Variants in TBC1D12 observed in about 807,000 individuals in gnomAD.
TBC1D12 encodes the protein TBC1 domain family member 12.
TBC1D12 carries 56 observed loss-of-function variants against 86.7 expected under a neutral mutation model. The observed-to-expected ratio is 0.65, with a 90% CI of 0.52 to 0.81. TBC1D12 has a LOEUF of 0.81. Among genes scored for constraint, TBC1D12 ranks in the 30% least tolerant of loss-of-function variants. The probability of loss-of-function intolerance (pLI) is 0.00; values close to 1 mark genes in which losing one functional copy is unlikely to be tolerated. For missense variants in TBC1D12, 1,023 were observed against 1,038.8 expected (o/e 0.98, Z 0.21); for synonymous variants, 421 against 411.7 (o/e 1.02, Z -0.27).
intron 9 of TBC1D12, among the ~76,000 whole-genome samples, chr10:94,519,851 A>G (rs1172414272): frequency 6.6e-6 from 1 of 152,182 alleles, no homozygotes; most frequent in Admixed American, 6.5e-5. Context: ...GCCCACCCAG[A>G]TAATTCAGGA....
At chr10:94,484,148 A>T (rs535713613) in intron 3 of TBC1D12, among the ~76,000 whole-genome samples, 4 of 150,856 alleles carry the variant, frequency 2.7e-5, no homozygotes, top group Non-Finnish European at 5.9e-5. Context: ...TTATGTGTCT[A>T]TTTTTATCCC....
rs1315170150 is a variant in TBC1D12 at position 94,533,907 on chromosome 10, A to G, written c.*811A>G. On this transcript the variant is annotated 3_prime_UTR_variant, in exon 13 of 13. Transcript: ENST00000225235. ...ACTTTGAGAGTAAGTCCAAAAACAT[A>G]TATGATGTTTCTCAGTGATAAGAGT... 3 of 152,130 alleles carry G rather than the reference A, an allele frequency of 2.0e-5. No homozygotes were observed. The highest frequency in any genetic ancestry group is 4.4e-5 in the Non-Finnish European group (3 of 68,018). The allele number at this position is 152,130 out of a possible 1,614,324, so 9.4% of individuals were successfully genotyped here.
chr10:94,413,346 C>CT (rs1475805438), intron 1 of TBC1D12, among the ~76,000 whole-genome samples: 2 of 152,126 alleles, frequency 1.3e-5, no homozygotes, highest in Non-Finnish European at 2.9e-5. Flanking sequence ...TTGTGAAAAG[C>CT]TTTAACTTGT....
chr10:94,431,783 C>G (rs190225423), intron 1 of TBC1D12, among the ~76,000 whole-genome samples: 512 of 152,272 alleles, frequency 3.4e-3, no homozygotes, highest in Non-Finnish European at 6.5e-3. Context: ...ACTTGGCCTC[C>G]TAACAGGAGA....
intron 2 of TBC1D12, among the ~76,000 whole-genome samples, chr10:94,459,187 G>A: frequency 6.6e-6 from 1 of 152,118 alleles, no homozygotes; most frequent in Non-Finnish European, 1.5e-5. Context: ...TAGACACAGA[G>A]TGCTGATTGG....
intron 1 of TBC1D12, among the ~76,000 whole-genome samples, chr10:94,432,122 A>AAG (rs59509237): frequency 0.022 from 3,315 of 152,020 alleles, 122 homozygotes; most frequent in African/African-American, 0.074. Context: ...GGAGAAAGGG[A>AAG]AGAGAGAGAG....
At chr10:94,447,088 TA>T (rs2055476849) in intron 2 of TBC1D12, among the ~76,000 whole-genome samples, 1 of 151,778 alleles carries the variant, frequency 6.6e-6, no homozygotes, top group Admixed American at 6.6e-5. Context: ...CTTTTTTATG[TA>T]TTATTAGTGA....
intron 2 of TBC1D12, among the ~76,000 whole-genome samples, chr10:94,461,478 C>T (rs1461050689): frequency 1.3e-5 from 2 of 152,192 alleles, no homozygotes; most frequent in African/African-American, 4.8e-5. Context: ...AATTACTTTT[C>T]CTCTCCTGCT....
intron 2 of TBC1D12, among the ~76,000 whole-genome samples, chr10:94,444,699 A>G (rs934839427): frequency 1.4e-5 from 2 of 147,790 alleles, no homozygotes; most frequent in Admixed American, 1.3e-4. Flanking sequence ...TTAATCTGCT[A>G]TTTTCATTTC....
intron 6 of TBC1D12, among the ~76,000 whole-genome samples, chr10:94,505,464 C>T (rs1305394328): frequency 6.6e-6 from 1 of 152,122 alleles, no homozygotes; most frequent in African/African-American, 2.4e-5. Flanking sequence ...CCAGTAATCC[C>T]AGCTACTCAG....
chr10:94,459,789 C>T (rs1261780101), intron 2 of TBC1D12, among the ~76,000 whole-genome samples: 1 of 152,200 alleles, frequency 6.6e-6, no homozygotes, highest in East Asian at 1.9e-4. Context: ...CCAGCAGCTC[C>T]AAGTGTGGGG....
At chr10:94,429,809 C>A (rs947488171) in intron 1 of TBC1D12, among the ~76,000 whole-genome samples, 1 of 152,078 alleles carries the variant, frequency 6.6e-6, no homozygotes, top group African/African-American at 2.4e-5. Flanking sequence ...TCTTGTGTTA[C>A]TGCAGCCTTG....
At chr10:94,447,450 A>G (rs2055485878) in intron 2 of TBC1D12, among the ~76,000 whole-genome samples, 1 of 152,176 alleles carries the variant, frequency 6.6e-6, no homozygotes, top group African/African-American at 2.4e-5. Flanking sequence ...TTATTCCTGC[A>G]GTAACTTTTA....
chr10:94,426,764 G>C (rs966954897), intron 1 of TBC1D12, among the ~76,000 whole-genome samples: 2 of 152,030 alleles, frequency 1.3e-5, no homozygotes, highest in African/African-American at 2.4e-5. Context: ...TTTTAGTAGA[G>C]ACAGAGTTTC....
intron 1 of TBC1D12, among the ~76,000 whole-genome samples, chr10:94,425,531 T>A (rs2055134350): frequency 6.6e-6 from 1 of 152,230 alleles, no homozygotes; most frequent in African/African-American, 2.4e-5. Flanking sequence ...GCACTGAAGT[T>A]ACAATAATAA....
At chr10:94,408,717 A>T (rs986796604) in intron 1 of TBC1D12, among the ~76,000 whole-genome samples, 2 of 152,178 alleles carry the variant, frequency 1.3e-5, no homozygotes. Flanking sequence ...TGCCTCCACC[A>T]GTCAACTAAA....
intron 1 of TBC1D12, among the ~76,000 whole-genome samples, chr10:94,431,647 G>T (rs180826960): frequency 1.3e-5 from 2 of 152,298 alleles, no homozygotes; most frequent in Admixed American, 1.3e-4. Flanking sequence ...TGGATCAAAA[G>T]ATGTGGGTTT....
At chr10:94,498,180 T>C (rs927771724) in intron 5 of TBC1D12, among the ~76,000 whole-genome samples, 1 of 152,172 alleles carries the variant, frequency 6.6e-6, no homozygotes. Context: ...ATTGATGTAA[T>C]AGCAGTTATT....
Position 94,524,542 on chromosome 10 carries a change from C to A in TBC1D12, c.2000+2089C>A, listed in dbSNP as rs187721674. ...GATCACGAGGTCAGGAGATCGAGAC[C>A]ATCCTGGCCAACATGGTGAAACCCG... On this transcript the variant is annotated intron_variant, in intron 11 of 12. Coordinates refer to ENST00000225235, the MANE Select transcript of TBC1D12 (RefSeq NM_015188.2). 2.8e-4 allele frequency among the ~76,000 whole-genome samples: 42 copies of A among 151,958 alleles called. 1 individual carries two copies. The highest frequency in any genetic ancestry group is 9.7e-4 in the African/African-American group (40 of 41,446).
Sources: allele counts gnomAD v4.1 joint callset (sites outside exome capture counted in the v4.1 genomes callset), GRCh38; gene constraint gnomAD v4.1.1; transcripts MANE v1.5; gene names NCBI Gene and HGNC (gene_info 2026-07-23, HGNC 2026-07-21).